Variants in PSORS1C1 observed in about 807,000 individuals in gnomAD.
PSORS1C1 encodes the protein psoriasis susceptibility 1 candidate 1, also known as psoriasis susceptibility 1 candidate gene 1 protein.
PSORS1C1 carries 7 observed loss-of-function variants against 9.4 expected under a neutral mutation model. The observed-to-expected ratio is 0.75, with a 90% CI of 0.42 to 1.40. PSORS1C1 has a LOEUF of 1.40. Ranked by LOEUF, PSORS1C1 falls within the 40% of genes most tolerant of loss-of-function variation. The pLI is 0.01. For synonymous variants in PSORS1C1, 63 were observed against 69.4 expected (o/e 0.91, Z 0.46); for missense variants, 146 against 178.1 (o/e 0.82, Z 1.02).
At chr6:31,134,128 G>A (rs780467466) in intron 3 of PSORS1C1, among the ~76,000 whole-genome samples, 4 of 151,688 alleles carry the variant, frequency 2.6e-5, no homozygotes, top group African/African-American at 4.9e-5. Flanking sequence ...ACAGGCGCCC[G>A]CCACCATGCC....
intron 1 of PSORS1C1, chr6:31,116,688 T>C: frequency 6.2e-7 from 1 of 1,612,730 alleles, no homozygotes; most frequent in Non-Finnish European, 8.5e-7. Flanking sequence ...AGGTCATGCC[T>C]GGAACCAGAT....
At chr6:31,122,870 C>T (rs1260786583) in intron 1 of PSORS1C1, among the ~76,000 whole-genome samples, 1 of 151,962 alleles carries the variant, frequency 6.6e-6, no homozygotes, top group Non-Finnish European at 1.5e-5. Context: ...AGGACCTGGG[C>T]AAGGAGGGAG....
Position 31,139,620 on chromosome 6 carries a change from C to G in PSORS1C1, c.168-21C>G. 6.2e-7 allele frequency: 1 copy of G among 1,605,418 alleles called. No homozygotes were observed. Among genetic ancestry groups the G allele is most frequent in the South Asian group, 1.1e-5 (1 of 90,696 alleles). ...CCCCATGGGATCCAGGCATCCTGCT[C>G]TCCACCATGTCCTTCTTCAGGCATG... On this transcript the variant is annotated intron_variant, in intron 5 of 5. Coordinates refer to ENST00000259881, the MANE Select transcript of PSORS1C1 (RefSeq NM_014068.3). The surrounding 1 kb of genome is among the most constrained non-coding windows in gnomAD (Gnocchi z 5.2).
chr6:31,123,793 G>A (rs1008556580), intron 1 of PSORS1C1, among the ~76,000 whole-genome samples: 3 of 152,248 alleles, frequency 2.0e-5, no homozygotes, highest in Admixed American at 2.0e-4. Context: ...TTTGGAAGTT[G>A]CACTGAGAAA....
rs763348852 is a variant in PSORS1C1 at position 31,115,449 on chromosome 6, C to T, written c.-229+558C>T. 3.0e-5 allele frequency: 5 copies of T among 165,040 alleles called. No individual in the cohort carries two copies. The highest frequency in any genetic ancestry group is 3.1e-4 in the South Asian group (2 of 6,534). 10.2% of individuals were successfully genotyped at this position (165,040 alleles called of 1,614,324 possible). A position where few individuals can be genotyped will look rare whatever the true frequency, so the allele number is the denominator to read the frequency against. Reference sequence around the variant, plus strand: ...TGAGAGGCAATGGGTGTGTTGGGGACGGTGATCTAGGAGGGCGTGGTGAGC... The same window carrying T: ...TGAGAGGCAATGGGTGTGTTGGGGATGGTGATCTAGGAGGGCGTGGTGAGC... On this transcript the variant is annotated intron_variant, in intron 1 of 5. Transcript: ENST00000259881. The surrounding 1 kb of genome is among the most constrained non-coding windows in gnomAD (Gnocchi z 4.2).
chr6:31,135,971 T>C (rs1429757621), intron 3 of PSORS1C1, among the ~76,000 whole-genome samples: 7 of 152,238 alleles, frequency 4.6e-5, no homozygotes, highest in Non-Finnish European at 7.3e-5. Flanking sequence ...GGAGGATTGC[T>C]TGAGCCCAGG....
intron 1 of PSORS1C1, chr6:31,116,801 G>A: frequency 6.2e-6 from 10 of 1,613,860 alleles, no homozygotes; most frequent in East Asian, 2.2e-5. Flanking sequence ...TTGCTACAGG[G>A]GGGACCTTGA....
At chr6:31,134,964 G>A (rs776600981) in intron 3 of PSORS1C1, among the ~76,000 whole-genome samples, 8 of 151,796 alleles carry the variant, frequency 5.3e-5, no homozygotes, top group African/African-American at 1.5e-4. Flanking sequence ...CTACAGGTGC[G>A]GGCCACCACA....
Position 31,138,151 on chromosome 6 carries a change from G to A in PSORS1C1, c.14-279G>A, listed in dbSNP as rs150591468. ...GTTTCAGGCAGGTCTCTCCAGGGAC[G>A]ACTGGGGCGGGTAGGCGGAGGATCT... On this transcript the variant is annotated intron_variant, in intron 3 of 5. Transcript: ENST00000259881. 1.7e-3 allele frequency: 2,683 copies of A among 1,603,812 alleles called. 14 individuals are homozygous for A. Among genetic ancestry groups the A allele is most frequent in the Middle Eastern group, 0.013 (76 of 5,964 alleles).
In PSORS1C1 at chr6:31,128,108, C is replaced by T. The variant is rs562444502; in HGVS notation, c.-64-1461C>T. Among the ~76,000 whole-genome samples the T allele has an allele frequency of 1.3e-3, 199 of 152,292 alleles. 5 individuals are homozygous for T. The highest frequency in any genetic ancestry group is 1.5e-4 in the Non-Finnish European group (10 of 68,006). ...GACAGGCAGCCTGTGCCTGAATTTT[C>T]CTGAGGGCTTCAGAGCCTGTCTCGC... is the stretch of plus-strand genomic sequence containing the variant. On this transcript the variant is annotated intron_variant, in intron 2 of 5. Coordinates refer to ENST00000259881, the MANE Select transcript of PSORS1C1 (RefSeq NM_014068.3). The surrounding 1 kb of genome is among the most constrained non-coding windows in gnomAD (Gnocchi z 4.3).
At chr6:31,138,829 A>T (rs16898823) in intron 5 of PSORS1C1, 50 bp downstream of exon 5, 202,973 of 1,612,100 alleles carry the variant, frequency 0.13, 14,359 homozygotes, top group South Asian at 0.2. Context: ...CAATGTGTCC[A>T]GAAAGCCATT....
chr6:31,140,056 T>A lies in PSORS1C1; in HGVS notation c.*124T>A. 1.1e-6 allele frequency: 1 copy of A among 873,794 alleles called. No homozygotes were observed. The highest frequency in any genetic ancestry group is 1.6e-5 in the South Asian group (1 of 62,850). 54.1% of individuals were successfully genotyped at this position (873,794 alleles called of 1,614,324 possible). On this transcript the variant is annotated 3_prime_UTR_variant, in exon 6 of 6. Coordinates refer to ENST00000259881, the MANE Select transcript of PSORS1C1 (RefSeq NM_014068.3). The surrounding 1 kb of genome is among the most constrained non-coding windows in gnomAD (Gnocchi z 4.6). The stretch of plus-strand genomic sequence containing the variant: ...TCCTCCCAGGTTGTTCCCTGCCTGG[T>A]CCGCTACCCCACAGTAAGGAACACC...
At chr6:31,116,592 A>G (rs369304050) in intron 1 of PSORS1C1, 1 of 1,613,604 alleles carries the variant, frequency 6.2e-7, no homozygotes, top group Non-Finnish European at 8.5e-7. Flanking sequence ...TGGGGGGCCC[A>G]GCTGCAAAGG....
chr6:31,117,499 G>A, intron 1 of PSORS1C1: 1 of 1,551,282 alleles, frequency 6.4e-7, no homozygotes. Flanking sequence ...ACAAGGGTCT[G>A]AGAAGGTGCC....
At chr6:31,136,529 G>C (rs184065252) in intron 3 of PSORS1C1, among the ~76,000 whole-genome samples, 2 of 152,044 alleles carry the variant, frequency 1.3e-5, no homozygotes, top group African/African-American at 4.8e-5. Flanking sequence ...TCATTCTAGC[G>C]GGGGGCACAT....
chr6:31,123,168 C>T (rs3130998), intron 1 of PSORS1C1, among the ~76,000 whole-genome samples: 71,334 of 152,018 alleles, frequency 0.47, 18,207 homozygotes, highest in African/African-American at 0.68. Flanking sequence ...CGTGGACTGG[C>T]GGTGCAGCCA....
Position 31,139,591 on chromosome 6 carries a change from CTTCCCCCAT to C in PSORS1C1, c.168-49_168-41del. Reference sequence around the variant, plus strand: ...GCTTCGTGCTTTCCTGGGCACTTCCCTTCCCCCATGGGATCCAGGCATCCTGCTCTCCAC... The same window carrying C: ...GCTTCGTGCTTTCCTGGGCACTTCCCGGGATCCAGGCATCCTGCTCTCCAC... On this transcript the variant is annotated intron_variant, in intron 5 of 5. Transcript: ENST00000259881. This position sits in a 1 kb window ranked among gnomAD's most constrained non-coding sequence, Gnocchi z 5.2. 6.3e-7 allele frequency: 1 copy of C among 1,583,206 alleles called. No individual in the cohort carries two copies. Among genetic ancestry groups the C allele is most frequent in the Non-Finnish European group, 8.6e-7 (1 of 1,161,382 alleles).
At chr6:31,123,887 G>A (rs1343241187) in intron 1 of PSORS1C1, among the ~76,000 whole-genome samples, 3 of 152,184 alleles carry the variant, frequency 2.0e-5, no homozygotes, top group South Asian at 2.1e-4. Flanking sequence ...GTGGAGAAGC[G>A]GGTAGGCACT....
chr6:31,117,083 TTGG>T, intron 1 of PSORS1C1: 1 of 1,614,214 alleles, frequency 6.2e-7, no homozygotes, highest in Non-Finnish European at 8.5e-7. Context: ...TTGTCATTGG[TTGG>T]CAGAGCAGAG....
Sources: gnomAD v4.1 joint callset for allele counts (sites outside exome capture counted in the v4.1 genomes callset) on GRCh38, gnomAD v4.1.1 for gene constraint, Gnocchi (gnomAD v3.1) non-coding constraint, MANE v1.5 for transcripts, NCBI Gene and HGNC (gene_info 2026-07-23, HGNC 2026-07-21) for gene names.